SLC6A2: variants seen among roughly 807,000 people sequenced by gnomAD.
The protein encoded by SLC6A2 is solute carrier family 6 member 2.
A neutral mutation model predicts 71.7 loss-of-function variants in SLC6A2; 26 were observed. The observed-to-expected ratio is 0.36, with a 90% CI of 0.27 to 0.50. SLC6A2 has a LOEUF of 0.50. SLC6A2 is among the 20% of genes least tolerant of loss of function. SLC6A2 has a pLI of 0.96. For synonymous variants in SLC6A2, 363 were observed against 337.9 expected (o/e 1.07, Z -0.82); for missense variants, 581 against 803.9 (o/e 0.72, Z 3.35).
chr16:55,668,913 C>T (rs1176530270), intron 2 of SLC6A2, among the ~76,000 whole-genome samples: 2 of 152,190 alleles, frequency 1.3e-5, no homozygotes, highest in Admixed American at 6.5e-5. Context: ...ACCAGCAGCA[C>T]CAAAAGGAGC....
At chr16:55,683,617 C>A (rs1032197964) in intron 4 of SLC6A2, among the ~76,000 whole-genome samples, 19 of 43,822 alleles carry the variant, frequency 4.3e-4, no homozygotes, top group African/African-American at 1.1e-3. Flanking sequence ...CCGTCTCAAA[C>A]AAACAAACAA....
chr16:55,681,011 C>T (rs1965254525), intron 4 of SLC6A2, among the ~76,000 whole-genome samples: 1 of 152,128 alleles, frequency 6.6e-6, no homozygotes, highest in African/African-American at 2.4e-5. Context: ...CTCCCCTACA[C>T]CTGTGCACCT....
intron 4 of SLC6A2, among the ~76,000 whole-genome samples, chr16:55,677,095 G>A (rs1965113558): frequency 6.6e-6 from 1 of 152,120 alleles, no homozygotes; most frequent in Non-Finnish European, 1.5e-5. Flanking sequence ...TCTTGGAGTA[G>A]GACTCCTACT....
Position 55,672,174 on chromosome 16 carries a change from G to C in SLC6A2, c.643G>C (p.Glu215Gln). 6.2e-7 allele frequency: 1 copy of C among 1,614,160 alleles called. No homozygotes were observed. Among genetic ancestry groups the C allele is most frequent in the South Asian group, 1.1e-5 (1 of 91,064 alleles). The change falls in exon 4 of 15, where the codon GAG becomes CAG. Residue 215 changes from glutamate (E) to glutamine (Q), a missense_variant and splice_region_variant. This residue lies in a region of SLC6A2 where 87 missense variants were observed against 99.5 expected (regional missense o/e 0.87). Coordinates refer to ENST00000568943, the MANE Select transcript of SLC6A2 (RefSeq NM_001172501.3). ...GTTCACGCCGGCAGCCGAGTTTTAT[G>C]AGTAAGTCACAGACCCCTTGTGCTG... ...YKFTPAAEFY[E>Q]RGVLHLHESS...
chr16:55,702,360 A>T lies in SLC6A2; in HGVS notation c.*14A>T. The T allele has an allele frequency of 6.2e-7, 1 of 1,614,158 alleles. No homozygotes were observed. Reference sequence around the variant, plus strand: ...CTGGCCATCTGAGCCTGCCTGGAGGAGAAGGAGGAACCCCCATGCCAATGT... The same window carrying T: ...CTGGCCATCTGAGCCTGCCTGGAGGTGAAGGAGGAACCCCCATGCCAATGT... On this transcript the variant is annotated 3_prime_UTR_variant, in exon 15 of 15. Transcript: ENST00000568943.
At chr16:55,664,022 A>G (rs1451626605) in intron 2 of SLC6A2, among the ~76,000 whole-genome samples, 1 of 152,102 alleles carries the variant, frequency 6.6e-6, no homozygotes, top group East Asian at 1.9e-4. Flanking sequence ...ATCATACTCC[A>G]TTCAATCATG....
At chr16:55,679,870 C>T (rs1302662549) in intron 4 of SLC6A2, among the ~76,000 whole-genome samples, 2 of 152,142 alleles carry the variant, frequency 1.3e-5, no homozygotes, top group East Asian at 1.9e-4. Flanking sequence ...TCATTGTTAT[C>T]CTCCGGACCT....
intron 2 of SLC6A2, among the ~76,000 whole-genome samples, chr16:55,657,571 CA>C (rs1567427839): frequency 6.6e-6 from 1 of 152,216 alleles, no homozygotes; most frequent in Non-Finnish European, 1.5e-5. Context: ...ATGCCATTCT[CA>C]GGGAGCACAG....
rs116125985 is a variant in SLC6A2, at chr16:55,677,290, A to G, written c.644+5115A>G. Among the ~76,000 whole-genome samples the G allele has an allele frequency of 1.6e-3, 243 of 151,310 alleles. 3 individuals carry two copies. Among genetic ancestry groups the G allele is most frequent in the African/African-American group, 5.7e-3 (231 of 40,620 alleles). Reference sequence around the variant, plus strand: ...GAAGGTGGTAAAGATAGTGGAGCAGAGTGCTGCCGACACATGTGATTGGTT... The same window carrying G: ...GAAGGTGGTAAAGATAGTGGAGCAGGGTGCTGCCGACACATGTGATTGGTT... On this transcript the variant is annotated intron_variant, in intron 4 of 14. Transcript: ENST00000568943.
intron 4 of SLC6A2, among the ~76,000 whole-genome samples, chr16:55,674,548 C>T (rs1965023624): frequency 6.6e-6 from 1 of 152,018 alleles, no homozygotes. Context: ...CCTCAGCCTC[C>T]TGAGTAGCTG....
At chr16:55,676,832 T>C (rs1745569209) in intron 4 of SLC6A2, among the ~76,000 whole-genome samples, 1 of 152,202 alleles carries the variant, frequency 6.6e-6, no homozygotes, top group Admixed American at 6.5e-5. Flanking sequence ...ATAGAGTTTA[T>C]AAGTGGCATT....
At chr16:55,659,626 T>C (rs180982704) in intron 2 of SLC6A2, among the ~76,000 whole-genome samples, 95 of 152,324 alleles carry the variant, frequency 6.2e-4, no homozygotes, top group Middle Eastern at 6.8e-3. Context: ...AAGTCCTAGA[T>C]CACAGGAATG....
intron 2 of SLC6A2, among the ~76,000 whole-genome samples, chr16:55,658,182 C>T (rs1411269780): frequency 1.3e-5 from 2 of 152,088 alleles, no homozygotes; most frequent in African/African-American, 4.8e-5. Flanking sequence ...GTACTCTGGA[C>T]ACTTGCTTTG....
chr16:55,674,617 G>T (rs1201165543), intron 4 of SLC6A2, among the ~76,000 whole-genome samples: 3 of 151,914 alleles, frequency 2.0e-5, no homozygotes, highest in African/African-American at 7.3e-5. Context: ...TAGAGACAGG[G>T]TTTCACCATG....
chr16:55,677,849 T>C (rs1297103515), intron 4 of SLC6A2, among the ~76,000 whole-genome samples: 1 of 152,032 alleles, frequency 6.6e-6, no homozygotes. Context: ...TTTGTAGAGA[T>C]GGGGTTTCAT....
At chr16:55,678,679 G>A (rs1965172818) in intron 4 of SLC6A2, among the ~76,000 whole-genome samples, 1 of 152,164 alleles carries the variant, frequency 6.6e-6, no homozygotes, top group Non-Finnish European at 1.5e-5. Context: ...TCCCTGGTGA[G>A]GAAGAAAAGT....
At chr16:55,669,792 C>T (rs1274953805) in intron 3 of SLC6A2, 96 bp downstream of exon 3, 6 of 1,367,216 alleles carry the variant, frequency 4.4e-6, no homozygotes, top group South Asian at 2.4e-5. Context: ...AGGTAGACCT[C>T]CTGTCATGTG....
intron 5 of SLC6A2, among the ~76,000 whole-genome samples, chr16:55,687,427 G>A (rs1227079835): frequency 6.6e-6 from 1 of 152,218 alleles, no homozygotes; most frequent in Non-Finnish European, 1.5e-5. Context: ...AAAGACCATA[G>A]AGAAGGTGGC....
At chr16:55,683,603 A>C (rs190462458) in intron 4 of SLC6A2, among the ~76,000 whole-genome samples, 6 of 147,322 alleles carry the variant, frequency 4.1e-5, no homozygotes, top group Non-Finnish European at 6.0e-5. Flanking sequence ...ACAGTAGTGA[A>C]ACTCCGTCTC....
Sources: gnomAD v4.1 joint callset for allele counts (sites outside exome capture counted in the v4.1 genomes callset) on GRCh38, gnomAD v4.1.1 for gene constraint, gnomAD v4.1.1 regional missense constraint, MANE v1.5 for transcripts, NCBI Gene and HGNC (gene_info 2026-07-23, HGNC 2026-07-21) for gene names.